The following AOX1 variants were observed in gnomAD, a reference collection of about 807,000 sequenced individuals.
AOX1 encodes aldehyde oxidase.
AOX1 carries 153 observed loss-of-function variants against 169.5 expected under a neutral mutation model. The ratio of observed to expected loss-of-function variants is 0.90; its 90% CI spans 0.79 to 1.03. The LOEUF (loss-of-function observed/expected upper bound fraction) is 1.03, where lower values mean the gene tolerates loss of function less well. Ranked by LOEUF, AOX1 falls within the 50% of genes least tolerant of loss-of-function variation. The pLI, the probability that AOX1 is intolerant of heterozygous loss-of-function variation, is 0.00. For synonymous variants in AOX1, 562 were observed against 581.9 expected (o/e 0.97, Z 0.49); for missense variants, 1,656 against 1,663.9 (o/e 1.00, Z 0.08).
rs2036022121 is a variant in AOX1 at position 200,671,146 on chromosome 2, T to A, written c.*467T>A. ...TGTCAGAATGAATATAGACACTGTA[T>A]CTAAGTGGGACCAAAGAAAAAATAG... is the stretch of plus-strand genomic sequence containing the variant. On this transcript the variant is annotated 3_prime_UTR_variant, in exon 35 of 35. Coordinates refer to ENST00000374700, the MANE Select transcript of AOX1 (RefSeq NM_001159.4). The A allele has an allele frequency of 6.5e-6, 1 of 152,930 alleles. No homozygotes were observed. The highest frequency in any genetic ancestry group is 2.1e-4 in the South Asian group (1 of 4,844). The allele number at this position is 152,930 out of a possible 1,614,324, so 9.5% of individuals were successfully genotyped here.
chr2:200,609,167 G>C, intron 11 of AOX1, 32 bp downstream of exon 11: 1 of 1,611,050 alleles, frequency 6.2e-7, no homozygotes, highest in Non-Finnish European at 8.5e-7. Context: ...ACTCTGGTAT[G>C]CATCCCTTGG....
At chr2:200,648,460 C>T (rs1405954096) in intron 25 of AOX1, among the ~76,000 whole-genome samples, 2 of 152,186 alleles carry the variant, frequency 1.3e-5, no homozygotes, top group African/African-American at 4.8e-5. Context: ...GGTCTCTCAG[C>T]TATGGATACC....
Position 200,599,759 on chromosome 2 carries a change from T to C in AOX1, c.436+13T>C, listed in dbSNP as rs2034367642. ...GATGCCCTTGGTGGTAGGTTATATA[T>C]GCATGCTTTTATTTTTTAATTTTTA... On this transcript the variant is annotated intron_variant, in intron 5 of 34. Coordinates refer to ENST00000374700, the MANE Select transcript of AOX1 (RefSeq NM_001159.4). The C allele has an allele frequency of 6.8e-7, 1 of 1,480,764 alleles. No homozygotes were observed. Among genetic ancestry groups the C allele is most frequent in the Non-Finnish European group, 9.0e-7 (1 of 1,116,876 alleles). 91.7% of individuals were successfully genotyped at this position (1,480,764 alleles called of 1,614,324 possible).
At position 200,638,260 on chromosome 2, in the gene AOX1, G is replaced by A; in HGVS notation, c.2526G>A (p.Met842Ile). The A allele has an allele frequency of 1.2e-5, 20 of 1,613,790 alleles. No homozygotes were observed. Among genetic ancestry groups the A allele is most frequent in the Non-Finnish European group, 1.7e-5 (20 of 1,179,734 alleles). Residue 842 changes from methionine (M) to isoleucine (I), a missense_variant, in exon 23 of 35, where the codon ATG (methionine) becomes ATA (isoleucine). Transcript: ENST00000374700. Reference sequence around the variant, plus strand: ...GTGTTCTGGAACGAGGAGAAGACATGTTAATAACTGGAGGCCGCCATCCTT... The same window carrying A: ...GTGTTCTGGAACGAGGAGAAGACATATTAATAACTGGAGGCCGCCATCCTT... ...VRCVLERGEDMLITGGRHPYL... is the reference protein window; with the variant it reads ...VRCVLERGEDILITGGRHPYL...
At chr2:200,663,704 A>G (rs3769832) in intron 31 of AOX1, among the ~76,000 whole-genome samples, 72,998 of 151,812 alleles carry the variant, frequency 0.48, 18,547 homozygotes, top group East Asian at 0.8. Context: ...CAATACTAAT[A>G]AATGATCACT....
chr2:200,626,485 A>G (rs2035008612), intron 19 of AOX1, among the ~76,000 whole-genome samples: 1 of 152,232 alleles, frequency 6.6e-6, no homozygotes, highest in African/African-American at 2.4e-5. Flanking sequence ...CAGTGGACAC[A>G]TGGATTACTG....
At chr2:200,618,012 G>A (rs1300403202) in intron 16 of AOX1, among the ~76,000 whole-genome samples, 2 of 152,186 alleles carry the variant, frequency 1.3e-5, no homozygotes, top group African/African-American at 2.4e-5. Flanking sequence ...ACAGGGCAGT[G>A]TGAGCTACGT....
chr2:200,635,136 C>A (rs1484814070), intron 21 of AOX1, among the ~76,000 whole-genome samples: 1 of 151,988 alleles, frequency 6.6e-6, no homozygotes, highest in Non-Finnish European at 1.5e-5. Flanking sequence ...CAAAACAAAA[C>A]CAATAATGTT....
At chr2:200,639,431 A>G (rs574053145) in intron 23 of AOX1, among the ~76,000 whole-genome samples, 18 of 152,366 alleles carry the variant, frequency 1.2e-4, no homozygotes, top group East Asian at 3.9e-4. Context: ...CTGTGTGCCC[A>G]GAATGAAATA....
chr2:200,593,337 A>G (rs1183184199), intron 2 of AOX1, 134 bp downstream of exon 2: 2 of 749,848 alleles, frequency 2.7e-6, no homozygotes, highest in African/African-American at 1.8e-5. Flanking sequence ...TTATGCTCAT[A>G]TTTGAGAAAG....
chr2:200,602,416 T>C, intron 6 of AOX1, 71 bp downstream of exon 6: 1 of 1,350,472 alleles, frequency 7.4e-7, no homozygotes, highest in Non-Finnish European at 1.1e-6. Flanking sequence ...TTGTCAGTGA[T>C]TAGGGGGGCA....
At position 200,623,965 on chromosome 2, in the gene AOX1, G is replaced by T. The variant is rs150316811; in HGVS notation, c.2106G>T (p.Pro702=). The T allele has an allele frequency of 6.2e-7, 1 of 1,614,090 alleles. No homozygotes were observed. Among genetic ancestry groups the T allele is most frequent in the Non-Finnish European group, 8.5e-7 (1 of 1,179,972 alleles). The change falls in exon 19 of 35, where the codon CCG becomes CCT. Residue 702 remains proline (P), a synonymous_variant. Coordinates refer to ENST00000374700, the MANE Select transcript of AOX1 (RefSeq NM_001159.4). ...AGATTGTCTATCAAGACTTGGAGCC[G>T]CTGATACTAACAATTGAGGTAATGA... ...RVKIVYQDLE[P]LILTIEESIQ...
intron 18 of AOX1, 56 bp downstream of exon 18, chr2:200,621,302 A>G (rs1273603549): frequency 1.9e-6 from 3 of 1,580,974 alleles, no homozygotes; most frequent in African/African-American, 2.7e-5. Flanking sequence ...ACGGTGCTTC[A>G]TATTTTCTTA....
chr2:200,656,610 G>A (rs1293502547), intron 26 of AOX1, among the ~76,000 whole-genome samples: 1 of 151,940 alleles, frequency 6.6e-6, no homozygotes, highest in Non-Finnish European at 1.5e-5. Context: ...GAGAATATGT[G>A]TGCACACAAT....
intron 1 of AOX1, among the ~76,000 whole-genome samples, chr2:200,591,382 A>G (rs1281553984): frequency 6.6e-6 from 1 of 152,210 alleles, no homozygotes; most frequent in African/African-American, 2.4e-5. Flanking sequence ...CTCTCCATAG[A>G]GAACACTTGA....
chr2:200,621,975 C>A (rs1416952233), intron 18 of AOX1, among the ~76,000 whole-genome samples: 1 of 152,184 alleles, frequency 6.6e-6, no homozygotes, highest in Non-Finnish European at 1.5e-5. Flanking sequence ...TGGTCTCGAA[C>A]TCCTTACCTC....
intron 1 of AOX1, among the ~76,000 whole-genome samples, chr2:200,588,724 AGC>A (rs2034095019): frequency 1.3e-4 from 6 of 46,830 alleles, no homozygotes; most frequent in Non-Finnish European, 2.3e-4. Flanking sequence ...AACTAGAATA[AGC>A]TTTTTTTTTT....
chr2:200,637,075 T>G, intron 22 of AOX1, 31 bp downstream of exon 22: 1 of 1,612,080 alleles, frequency 6.2e-7, no homozygotes, highest in Non-Finnish European at 8.5e-7. Flanking sequence ...AAAAATAAAG[T>G]GAAGTCACAC....
intron 19 of AOX1, 123 bp from the exon 20 acceptor site, chr2:200,627,230 G>T: frequency 1.5e-6 from 1 of 675,408 alleles, no homozygotes; most frequent in Non-Finnish European, 2.6e-6. Context: ...TGGTGAAAGT[G>T]CACGGAACCA....
Sources: allele counts gnomAD v4.1 joint callset (sites outside exome capture counted in the v4.1 genomes callset), GRCh38; gene constraint gnomAD v4.1.1; transcripts MANE v1.5; gene names NCBI Gene and HGNC (gene_info 2026-07-23, HGNC 2026-07-21).